IQSEC1: variants seen among roughly 807,000 people sequenced by gnomAD.
IQSEC1 encodes the protein IQ motif and SEC7 domain-containing protein 1.
In IQSEC1, 31 loss-of-function variants were observed where a neutral mutation model predicts 91.0. The ratio of observed to expected loss-of-function variants is 0.34; its 90% CI spans 0.26 to 0.46. The LOEUF (loss-of-function observed/expected upper bound fraction) is 0.46, where lower values mean the gene tolerates loss of function less well. Among genes scored for constraint, IQSEC1 ranks in the 20% least tolerant of loss-of-function variants. The probability of loss-of-function intolerance (pLI) is 1.00; values close to 1 mark genes in which losing one functional copy is unlikely to be tolerated. For missense variants in IQSEC1, 1,388 were observed against 1,575.6 expected (o/e 0.88, Z 2.02); for synonymous variants, 699 against 662.6 (o/e 1.05, Z -0.84).
At chr3:13,132,983 A>T (rs1706645607) in intron 2 of IQSEC1, among the ~76,000 whole-genome samples, 1 of 152,236 alleles carries the variant, frequency 6.6e-6, no homozygotes, top group African/African-American at 2.4e-5. Flanking sequence ...AGAAAATGAG[A>T]CATATTTCTC....
intron 1 of IQSEC1, among the ~76,000 whole-genome samples, chr3:13,229,874 T>A (rs1445127080): frequency 1.3e-5 from 2 of 152,218 alleles, no homozygotes; most frequent in Non-Finnish European, 2.9e-5. Flanking sequence ...CTGTGCTTGC[T>A]TCGGTTTCTT....
intron 1 of IQSEC1, among the ~76,000 whole-genome samples, chr3:13,204,948 G>A (rs1223782882): frequency 4.0e-5 from 6 of 151,564 alleles, no homozygotes; most frequent in African/African-American, 1.2e-4. Context: ...TTACAGGCGC[G>A]CACCACCACG....
Position 13,282,543 on chromosome 3 carries a change from A to G in IQSEC1, c.272+168T>C, listed in dbSNP as rs1251706954. ...TCCGGATCTGGGCGGCGACCCCGCC[A>G]GAGAATCCCAGGGAGCCCCTGGGGG... On this transcript the variant is annotated intron_variant, in intron 1 of 15. Coordinates refer to the IQSEC1 transcript ENST00000648114. This position sits in a 1 kb window ranked among gnomAD's most constrained non-coding sequence, Gnocchi z 6.4. Among the ~76,000 whole-genome samples, 2 of 151,642 alleles carry G rather than the reference A, an allele frequency of 1.3e-5. No individual in the cohort carries two copies. Among genetic ancestry groups the G allele is most frequent in the African/African-American group, 4.8e-5 (2 of 41,276 alleles).
intron 2 of IQSEC1, among the ~76,000 whole-genome samples, chr3:13,112,451 C>T (rs965761063): frequency 6.6e-6 from 1 of 152,242 alleles, no homozygotes; most frequent in African/African-American, 2.4e-5. Context: ...GTGGCGCTCA[C>T]TCTCAGTGAG....
At chr3:13,219,225 C>T (rs1035982670) in intron 1 of IQSEC1, among the ~76,000 whole-genome samples, 6 of 152,206 alleles carry the variant, frequency 3.9e-5, no homozygotes, top group Admixed American at 6.5e-5. Flanking sequence ...CCATGCTTCC[C>T]CAGAGACAGG....
At chr3:13,032,741 A>G (rs577063281) in intron 1 of IQSEC1, among the ~76,000 whole-genome samples, 23 of 151,878 alleles carry the variant, frequency 1.5e-4, no homozygotes, top group African/African-American at 5.6e-4. Context: ...CCGCCACCAC[A>G]CCCAGCTAAT....
chr3:12,965,874 T>C (rs964754994), intron 1 of IQSEC1, among the ~76,000 whole-genome samples: 1 of 152,190 alleles, frequency 6.6e-6, no homozygotes, highest in Non-Finnish European at 1.5e-5. Flanking sequence ...ACTAGACTGC[T>C]GGTTCCATGA....
chr3:13,056,398 G>T (rs1018113430), intron 1 of IQSEC1, among the ~76,000 whole-genome samples: 1 of 151,980 alleles, frequency 6.6e-6, no homozygotes, highest in African/African-American at 2.4e-5. Context: ...TGGCCTTTCT[G>T]GGGGGTCCTT....
chr3:12,965,148 T>TA (rs1467021630), intron 1 of IQSEC1, among the ~76,000 whole-genome samples: 1 of 152,112 alleles, frequency 6.6e-6, no homozygotes, highest in Admixed American at 6.5e-5. Context: ...TGTGTACCCT[T>TA]AAAAAAACGA....
At chr3:12,938,644 A>G (rs770632326) in intron 2 of IQSEC1, among the ~76,000 whole-genome samples, 1 of 152,130 alleles carries the variant, frequency 6.6e-6, no homozygotes, top group Non-Finnish European at 1.5e-5. Flanking sequence ...CCTGGGGCCC[A>G]TAAGAGGCCC....
chr3:13,251,917 T>C (rs1695199185), intron 1 of IQSEC1, among the ~76,000 whole-genome samples: 1 of 152,042 alleles, frequency 6.6e-6, no homozygotes. Flanking sequence ...AAGAAATGAG[T>C]TTCTGACCTC....
chr3:12,941,469 A>G (rs1559652087), intron 2 of IQSEC1, 102 bp downstream of exon 2: 1 of 1,212,516 alleles, frequency 8.2e-7, no homozygotes, highest in Non-Finnish European at 1.1e-6. Context: ...CCCCAACTCA[A>G]GTCTATGGGA....
intron 1 of IQSEC1, among the ~76,000 whole-genome samples, chr3:12,981,960 C>G (rs1701483896): frequency 6.6e-6 from 1 of 152,242 alleles, no homozygotes; most frequent in South Asian, 2.1e-4. Context: ...AGGTCACAGG[C>G]TGCAACTGGA....
intron 1 of IQSEC1, among the ~76,000 whole-genome samples, chr3:13,227,139 G>A (rs1236091988): frequency 6.6e-6 from 1 of 151,982 alleles, no homozygotes; most frequent in Non-Finnish European, 1.5e-5. Flanking sequence ...ACTTTGGAAG[G>A]CCGAGGCAGG....
intron 1 of IQSEC1, among the ~76,000 whole-genome samples, chr3:13,245,766 C>CAA (rs60741725): frequency 0.026 from 2,980 of 114,104 alleles, 63 homozygotes; most frequent in South Asian, 0.11. Context: ...GACCCTGTTT[C>CAA]AAAAAAAAAA....
chr3:12,993,938 C>T (rs993597289), intron 1 of IQSEC1, among the ~76,000 whole-genome samples: 5 of 152,100 alleles, frequency 3.3e-5, no homozygotes, highest in South Asian at 2.1e-4. Flanking sequence ...AACTGCGTGT[C>T]GGTGCAACCG....
Position 12,899,783 on chromosome 3 carries a change from T to A in IQSEC1, c.*1200A>T, listed in dbSNP as rs1694041753. ...CTTCAGGTTCGAGAGTGGTTCCTGA[T>A]GAAAACACTCTCTGAGGGCTTCGGC... On this transcript the variant is annotated 3_prime_UTR_variant, in exon 14 of 14. Coordinates refer to ENST00000613206, the MANE Select transcript of IQSEC1 (RefSeq NM_001134382.3). The A allele has an allele frequency of 1.0e-6, 1 of 985,382 alleles. No homozygotes were observed. 61.0% of individuals were successfully genotyped at this position (985,382 alleles called of 1,614,324 possible).
In IQSEC1 at chr3:12,970,118, C is replaced by T. The variant is rs1281442048; in HGVS notation, c.24-28253G>A. Among the ~76,000 whole-genome samples the T allele has an allele frequency of 6.6e-6, 1 of 152,252 alleles. No homozygotes were observed. Among genetic ancestry groups the T allele is most frequent in the African/African-American group, 2.4e-5 (1 of 41,458 alleles). Reference sequence around the variant, plus strand: ...GAGTGGCTTAGCAGCCACCTCTACCCCAGCTAATTCACCTTGCTGTTTAAT... The same window carrying T: ...GAGTGGCTTAGCAGCCACCTCTACCTCAGCTAATTCACCTTGCTGTTTAAT... On this transcript the variant is annotated intron_variant, in intron 1 of 13. Transcript: ENST00000613206. This position sits in a 1 kb window ranked among gnomAD's most constrained non-coding sequence, Gnocchi z 4.4.
At chr3:12,977,375 C>T (rs892902347) in intron 1 of IQSEC1, among the ~76,000 whole-genome samples, 26 of 150,544 alleles carry the variant, frequency 1.7e-4, no homozygotes, top group Non-Finnish European at 3.1e-4. Flanking sequence ...AGCGCTATCC[C>T]GTTGGCAAAA....
Sources: allele counts gnomAD v4.1 joint callset (sites outside exome capture counted in the v4.1 genomes callset), GRCh38; gene constraint gnomAD v4.1.1; non-coding constraint Gnocchi (gnomAD v3.1); transcripts MANE v1.5; gene names NCBI Gene and HGNC (gene_info 2026-07-23, HGNC 2026-07-21).